Variants in AFF2 observed in about 807,000 individuals in gnomAD.
AFF2 encodes the protein ALF transcription elongation factor 2, also known as AF4/FMR2 family member 2.
AFF2 carries 14 observed loss-of-function variants against 76.9 expected under a neutral mutation model. The observed-to-expected ratio is 0.18, with a 90% confidence interval of 0.12 to 0.28. The LOEUF is 0.28. Among genes scored for constraint, AFF2 ranks in the 10% least tolerant of loss-of-function variants. AFF2 has a pLI of 1.00. For synonymous variants in AFF2, 398 were observed against 366.7 expected (o/e 1.09, Z -0.98); for missense variants, 868 against 1,001.1 (o/e 0.87, Z 1.79).
chrX:148,839,894 GGT>G (rs200060298), intron 5 of AFF2, among the ~76,000 whole-genome samples: 10,520 of 86,740 alleles, frequency 0.12, 648 homozygotes, highest in African/African-American at 0.22. Flanking sequence ...GTTGGGGCAT[GGT>G]GTGTGTGTGT....
intron 3 of AFF2, among the ~76,000 whole-genome samples, chrX:148,779,069 C>G (rs1603299359): frequency 9.0e-6 from 1 of 111,613 alleles, no homozygotes; most frequent in Admixed American, 9.5e-5. Context: ...TTTCAAAAAA[C>G]TTACTTATTT....
chrX:148,792,667 A>T (rs1402682001), intron 3 of AFF2, among the ~76,000 whole-genome samples: 2 of 112,103 alleles, frequency 1.8e-5, no homozygotes, highest in Non-Finnish European at 3.8e-5. Context: ...CATTTGTGAA[A>T]AAGTGTTTTC....
intron 2 of AFF2, among the ~76,000 whole-genome samples, chrX:148,656,493 A>ATTTTTTT (rs1205846596): frequency 1.5e-5 from 1 of 68,083 alleles, no homozygotes. Flanking sequence ...TCCATGAGGA[A>ATTTTTTT]TTTTTTTTTT....
At chrX:148,656,475 C>G (rs1421747791) in intron 2 of AFF2, among the ~76,000 whole-genome samples, 1 of 108,300 alleles carries the variant, frequency 9.2e-6, no homozygotes, top group African/African-American at 3.4e-5. Flanking sequence ...TGCAACTTTC[C>G]CATGTTTTCC....
intron 3 of AFF2, among the ~76,000 whole-genome samples, chrX:148,704,861 C>T (rs781788202): frequency 9.1e-6 from 1 of 109,743 alleles, no homozygotes; most frequent in Non-Finnish European, 1.9e-5. Context: ...AGATGAGGAT[C>T]TCACTATGTT....
At chrX:148,840,279 A>G (rs944673282) in intron 5 of AFF2, among the ~76,000 whole-genome samples, 5 of 112,165 alleles carry the variant, frequency 4.5e-5, no homozygotes, top group Admixed American at 2.8e-4. Context: ...ATAACATGTT[A>G]TTATGAATAA....
chrX:148,726,929 G>A (rs781885428), intron 3 of AFF2, among the ~76,000 whole-genome samples: 17 of 111,495 alleles, frequency 1.5e-4, no homozygotes, highest in Non-Finnish European at 3.2e-4. Flanking sequence ...AGGGCATCCT[G>A]GGCAGTACAG....
chrX:148,561,589 G>A (rs1455874120), intron 1 of AFF2, among the ~76,000 whole-genome samples: 1 of 111,302 alleles, frequency 9.0e-6, no homozygotes, highest in Admixed American at 9.5e-5. Context: ...AATCAGGAGT[G>A]GGGTGGGCTT....
intron 1 of AFF2, among the ~76,000 whole-genome samples, chrX:148,649,990 T>C (rs12396524): frequency 0.046 from 5,135 of 111,524 alleles, 308 homozygotes; most frequent in African/African-American, 0.16. Context: ...TGTTTGTGTG[T>C]AGATACTAAT....
At chrX:148,899,806 A>G (rs1430020076) in intron 8 of AFF2, among the ~76,000 whole-genome samples, 2 of 111,434 alleles carry the variant, frequency 1.8e-5, no homozygotes, top group Non-Finnish European at 3.8e-5. Context: ...TAGGCCATCC[A>G]AATGTTCACT....
chrX:148,580,868 A>G (rs782388300), intron 1 of AFF2, among the ~76,000 whole-genome samples: 91 of 107,571 alleles, frequency 8.5e-4, no homozygotes, highest in African/African-American at 2.8e-3. Flanking sequence ...CTCTTAAAAA[A>G]CTTTTTATTT....
chrX:148,959,412 T>A (rs1349947259), intron 12 of AFF2, among the ~76,000 whole-genome samples: 1 of 112,457 alleles, frequency 8.9e-6, no homozygotes, highest in African/African-American at 3.2e-5. Flanking sequence ...GCAATCTGGC[T>A]AACTGCAGCT....
chrX:148,637,547 G>T (rs1240647276), intron 1 of AFF2, among the ~76,000 whole-genome samples: 1 of 111,772 alleles, frequency 8.9e-6, no homozygotes, highest in Non-Finnish European at 1.9e-5. Flanking sequence ...AATATAATGT[G>T]GGCCACAGAT....
At chrX:148,806,436 T>C (rs1557271345) in intron 3 of AFF2, among the ~76,000 whole-genome samples, 1 of 111,957 alleles carries the variant, frequency 8.9e-6, no homozygotes, top group Non-Finnish European at 1.9e-5. Flanking sequence ...GGAGCTTCTG[T>C]CTGACATGGC....
At chrX:148,912,470 G>A (rs968496078) in intron 9 of AFF2, among the ~76,000 whole-genome samples, 1 of 111,783 alleles carries the variant, frequency 8.9e-6, no homozygotes, top group Non-Finnish European at 1.9e-5. Context: ...CAGGGTGGAG[G>A]GTGGGAAGAG....
intron 4 of AFF2, among the ~76,000 whole-genome samples, chrX:148,818,666 G>T (rs2070293970): frequency 9.0e-6 from 1 of 111,266 alleles, no homozygotes; most frequent in Non-Finnish European, 1.9e-5. Context: ...GCAGTCAGGG[G>T]AAAGTTCAGA....
intron 16 of AFF2, among the ~76,000 whole-genome samples, chrX:148,975,635 A>G (rs1385124249): frequency 1.8e-5 from 2 of 111,668 alleles, no homozygotes; most frequent in Non-Finnish European, 3.8e-5. Context: ...TTAAGAAGAC[A>G]CATGCTGTCT....
rs1374345904 is a variant in AFF2, at chrX:149,000,494, ACT to A, written c.*9165_*9166del. On this transcript the variant is annotated 3_prime_UTR_variant, in exon 21 of 21. Transcript: ENST00000370460. The stretch of plus-strand genomic sequence containing the variant: ...TTGGTGCTTTGTTCTCAGTACAGTA[ACT>A]CTGTGTACAAACATTTTAATGTGGT... 3 of 112,900 alleles carry A rather than the reference ACT, an allele frequency of 2.7e-5. No homozygotes were observed. The highest frequency in any genetic ancestry group is 5.6e-5 in the Non-Finnish European group (3 of 53,342). The allele number at this position is 112,900 out of a possible 1,213,427, so 9.3% of individuals were successfully genotyped here. A position where few individuals can be genotyped will look rare whatever the true frequency, so the allele number is the denominator to read the frequency against.
At chrX:148,856,700 TA>T (rs1351456164) in intron 7 of AFF2, among the ~76,000 whole-genome samples, 10 of 112,490 alleles carry the variant, frequency 8.9e-5, no homozygotes, top group African/African-American at 2.6e-4. Context: ...ACCACTGGTA[TA>T]ATTTGCTGAG....
Sources: gnomAD v4.1 joint callset for allele counts (sites outside exome capture counted in the v4.1 genomes callset) on GRCh38, gnomAD v4.1.1 for gene constraint, MANE v1.5 for transcripts, NCBI Gene and HGNC (gene_info 2026-07-23, HGNC 2026-07-21) for gene names.